The following BTRC variants were observed in gnomAD, a reference collection of about 807,000 sequenced individuals.
The protein encoded by BTRC is beta-transducin repeat containing E3 ubiquitin protein ligase.
BTRC carries 42 observed loss-of-function variants against 85.5 expected under a neutral mutation model. That is an observed-to-expected ratio of 0.49 (90% CI 0.38 to 0.64). The LOEUF is 0.64. BTRC is among the 30% of genes least tolerant of loss of function. BTRC has a pLI of 0.00. For synonymous variants in BTRC, 255 were observed against 263.3 expected, an observed-to-expected ratio of 0.97 and a Z score of 0.30; for missense variants, 594 against 743.5, an observed-to-expected ratio of 0.80 and a Z score of 2.34.
In BTRC at chr10:101,419,737, T is replaced by TA. The variant is rs1460223082; in HGVS notation, c.49-10607dup. 4.6e-5 allele frequency among the ~76,000 whole-genome samples: 7 copies of TA among 152,332 alleles called. No homozygotes were observed. The East Asian group carries it at 1.3e-3, about 29-fold the overall frequency. On this transcript the variant is annotated intron_variant, in intron 1 of 14. Transcript: ENST00000370187. ...CGGTGGGAAACATCGGGGGGCATGT[T>TA]AGAGTTTGCCTGCTACCGTTATCCA...
chr10:101,495,713 A>G (rs1192222659), intron 4 of BTRC, among the ~76,000 whole-genome samples: 1 of 152,258 alleles, frequency 6.6e-6, no homozygotes. Flanking sequence ...ATAGCCAAAC[A>G]GAACTGTGTT....
At chr10:101,363,559 A>G (rs1241887679) in intron 1 of BTRC, among the ~76,000 whole-genome samples, 4 of 151,998 alleles carry the variant, frequency 2.6e-5, no homozygotes, top group African/African-American at 9.7e-5. Flanking sequence ...CCCGGGTTCA[A>G]GTGATTCTCC....
At chr10:101,437,249 TCTC>T (rs747566480) in intron 2 of BTRC, among the ~76,000 whole-genome samples, 1 of 152,186 alleles carries the variant, frequency 6.6e-6, no homozygotes, top group Non-Finnish European at 1.5e-5. Context: ...AATGTTTTGT[TCTC>T]CTAATAAAAT....
At chr10:101,464,465 G>GT (rs1261293616) in intron 3 of BTRC, among the ~76,000 whole-genome samples, 5 of 152,004 alleles carry the variant, frequency 3.3e-5, no homozygotes, top group Middle Eastern at 3.4e-3. Flanking sequence ...ATTTAATGTT[G>GT]TTTTTTTCAT....
At chr10:101,516,953 ATGATAGAG>A (rs1316011899) in intron 4 of BTRC, among the ~76,000 whole-genome samples, 2 of 152,186 alleles carry the variant, frequency 1.3e-5, no homozygotes. Context: ...TATATAAAAA[ATGATAGAG>A]TTTGGGAGGT....
At position 101,535,343 on chromosome 10, in the gene BTRC, T is replaced by C. The variant is rs1315959650; in HGVS notation, c.1348-11T>C. 1 of 1,604,300 alleles carries C rather than the reference T, an allele frequency of 6.2e-7. No homozygotes were observed. The highest frequency in any genetic ancestry group is 8.5e-7 in the Non-Finnish European group (1 of 1,172,470). ...ACCAAATCAACTGCTCAATGCCATT[T>C]TCTTTTTCAGGTATGGAACACAAGT... On this transcript the variant is annotated splice_polypyrimidine_tract_variant and intron_variant, in intron 10 of 14. Coordinates refer to ENST00000370187, the MANE Select transcript of BTRC (RefSeq NM_033637.4).
At chr10:101,461,314 A>T (rs1322594442) in intron 2 of BTRC, among the ~76,000 whole-genome samples, 1 of 152,100 alleles carries the variant, frequency 6.6e-6, no homozygotes, top group Non-Finnish European at 1.5e-5. Context: ...GTAGATAGTG[A>T]TTTACATATA....
intron 3 of BTRC, among the ~76,000 whole-genome samples, chr10:101,478,596 G>A (rs1052081322): frequency 1.1e-4 from 16 of 151,404 alleles, no homozygotes; most frequent in African/African-American, 3.9e-4. Context: ...TTCAAGACCA[G>A]TTTAGGCAAC....
At chr10:101,422,249 G>T (rs1375191210) in intron 1 of BTRC, among the ~76,000 whole-genome samples, 2 of 152,130 alleles carry the variant, frequency 1.3e-5, no homozygotes, top group East Asian at 1.9e-4. Context: ...TCATGTGTCT[G>T]TTGGCTGCAT....
intron 4 of BTRC, among the ~76,000 whole-genome samples, chr10:101,494,465 T>G (rs1007615796): frequency 3.3e-5 from 5 of 152,236 alleles, no homozygotes; most frequent in African/African-American, 9.7e-5. Context: ...TGATAGGAAA[T>G]GTTTGCTATA....
At chr10:101,459,281 T>C (rs1275347684) in intron 2 of BTRC, among the ~76,000 whole-genome samples, 2 of 152,212 alleles carry the variant, frequency 1.3e-5, no homozygotes, top group African/African-American at 4.8e-5. Context: ...CTGGGTGATG[T>C]TGGACAGGCT....
At chr10:101,470,025 A>G (rs900507396) in intron 3 of BTRC, among the ~76,000 whole-genome samples, 1 of 152,176 alleles carries the variant, frequency 6.6e-6, no homozygotes, top group Non-Finnish European at 1.5e-5. Flanking sequence ...TGAAGTTACT[A>G]TGAACGTTCT....
intron 1 of BTRC, among the ~76,000 whole-genome samples, chr10:101,373,680 G>A (rs1178076984): frequency 6.6e-6 from 1 of 152,174 alleles, no homozygotes; most frequent in East Asian, 1.9e-4. Context: ...CACTTTGGGA[G>A]GCCGAGGTGG....
At chr10:101,384,272 A>G (rs1249642236) in intron 1 of BTRC, among the ~76,000 whole-genome samples, 3 of 152,200 alleles carry the variant, frequency 2.0e-5, no homozygotes, top group East Asian at 1.9e-4. Context: ...TGAGTCTCCT[A>G]TTAGAAATAC....
chr10:101,508,808 G>A (rs1321466690), intron 4 of BTRC, among the ~76,000 whole-genome samples: 1 of 151,402 alleles, frequency 6.6e-6, no homozygotes, highest in Non-Finnish European at 1.5e-5. Context: ...CAGCTACTGG[G>A]GAGGCTGAGG....
chr10:101,547,136 A>T (rs2062569967), intron 13 of BTRC, among the ~76,000 whole-genome samples: 1 of 152,084 alleles, frequency 6.6e-6, no homozygotes, highest in African/African-American at 2.4e-5. Context: ...TCAGCTTAGG[A>T]TAGTTTCATT....
chr10:101,422,537 C>T (rs890855866), intron 1 of BTRC, among the ~76,000 whole-genome samples: 2 of 152,148 alleles, frequency 1.3e-5, no homozygotes, highest in Non-Finnish European at 2.9e-5. Flanking sequence ...ACATGAAGTC[C>T]TTGCCCATGC....
intron 14 of BTRC, among the ~76,000 whole-genome samples, chr10:101,551,919 A>G (rs1350895083): frequency 6.6e-6 from 1 of 152,172 alleles, no homozygotes; most frequent in Non-Finnish European, 1.5e-5. Context: ...GAGATACTGC[A>G]TGGAAAATTC....
chr10:101,386,655 C>T (rs956612847), intron 1 of BTRC, among the ~76,000 whole-genome samples: 1 of 152,140 alleles, frequency 6.6e-6, no homozygotes. Flanking sequence ...GAACCAAGGA[C>T]TTGTTTGACT....
Sources: allele counts gnomAD v4.1 joint callset (sites outside exome capture counted in the v4.1 genomes callset), GRCh38; gene constraint gnomAD v4.1.1; transcripts MANE v1.5; gene names NCBI Gene and HGNC (gene_info 2026-07-23, HGNC 2026-07-21).